The following ARHGAP24 variants were observed in gnomAD, a reference collection of about 807,000 sequenced individuals.
The protein encoded by ARHGAP24 is Rho GTPase activating protein 24.
A neutral mutation model predicts 76.4 loss-of-function variants in ARHGAP24; 50 were observed. The ratio of observed to expected loss-of-function variants is 0.65; its 90% CI spans 0.52 to 0.83. The LOEUF is 0.83. Among genes scored for constraint, ARHGAP24 ranks in the 40% least tolerant of loss-of-function variants. ARHGAP24 has a pLI of 0.00. For synonymous variants in ARHGAP24, 345 were observed against 323.3 expected, an observed-to-expected ratio of 1.07 and a Z score of -0.72; for missense variants, 930 against 914.2, an observed-to-expected ratio of 1.02 and a Z score of -0.22.
intron 3 of ARHGAP24, among the ~76,000 whole-genome samples, chr4:85,727,541 A>G (rs1725216272): frequency 6.6e-6 from 1 of 152,180 alleles, no homozygotes; most frequent in Non-Finnish European, 1.5e-5. Context: ...GAATAAAGGT[A>G]ACAAAGGTGG....
At position 85,935,639 on chromosome 4, in the gene ARHGAP24, C is replaced by T. The variant is rs555774524; in HGVS notation, c.392-6427C>T. On this transcript the variant is annotated intron_variant, in intron 4 of 9. Coordinates refer to ENST00000395184, the MANE Select transcript of ARHGAP24 (RefSeq NM_001025616.3). The stretch of plus-strand genomic sequence containing the variant: ...ATCTGCCACTTTCTAGATGTGTGAC[C>T]TCAGACAGGTCACCTGCCATCTTCA... Among the ~76,000 whole-genome samples the T allele has an allele frequency of 3.9e-5, 6 of 152,266 alleles. No homozygotes were observed. In the South Asian group the frequency reaches 1.2e-3, roughly 32 times the overall value.
intron 3 of ARHGAP24, among the ~76,000 whole-genome samples, chr4:85,768,384 T>C (rs1727006679): frequency 6.6e-6 from 1 of 152,120 alleles, no homozygotes; most frequent in Admixed American, 6.5e-5. Context: ...AAAAGAATGC[T>C]TCTGAGTTGA....
At chr4:85,972,585 A>G (rs1255409564) in intron 6 of ARHGAP24, among the ~76,000 whole-genome samples, 1 of 152,242 alleles carries the variant, frequency 6.6e-6, no homozygotes, top group Non-Finnish European at 1.5e-5. Context: ...TAATTTTTAT[A>G]CAATACAATC....
intron 5 of ARHGAP24, among the ~76,000 whole-genome samples, chr4:85,971,051 T>C (rs926110056): frequency 6.6e-6 from 1 of 152,138 alleles, no homozygotes; most frequent in Non-Finnish European, 1.5e-5. Flanking sequence ...GGACGTTAAG[T>C]TTTCATTGTT....
chr4:85,624,536 T>C (rs1388576000), intron 2 of ARHGAP24, among the ~76,000 whole-genome samples: 1 of 152,172 alleles, frequency 6.6e-6, no homozygotes, highest in East Asian at 1.9e-4. Flanking sequence ...AGGATATTGG[T>C]CTAAAATTCT....
chr4:85,487,202 T>C (rs1723095045), intron 1 of ARHGAP24, among the ~76,000 whole-genome samples: 1 of 136,294 alleles, frequency 7.3e-6, no homozygotes, highest in South Asian at 2.1e-4. Context: ...AATATATATT[T>C]ATTTTATATA....
chr4:85,783,710 AC>A (rs1560631002), intron 3 of ARHGAP24, among the ~76,000 whole-genome samples: 17 of 151,692 alleles, frequency 1.1e-4, no homozygotes, highest in South Asian at 2.1e-4. Context: ...GAAAACAGTC[AC>A]GATTCCATGC....
At chr4:85,883,036 T>C (rs906421785) in intron 3 of ARHGAP24, among the ~76,000 whole-genome samples, 3 of 152,034 alleles carry the variant, frequency 2.0e-5, no homozygotes, top group African/African-American at 7.2e-5. Context: ...CCCTATCCTG[T>C]GTTTCAGTGG....
intron 8 of ARHGAP24, among the ~76,000 whole-genome samples, chr4:85,993,109 T>C (rs1469898617): frequency 6.6e-6 from 1 of 152,158 alleles, no homozygotes; most frequent in African/African-American, 2.4e-5. Flanking sequence ...ATTTGGAAGA[T>C]ATAAGGGAAA....
intron 3 of ARHGAP24, among the ~76,000 whole-genome samples, chr4:85,909,412 C>T (rs1211065057): frequency 6.6e-6 from 1 of 152,014 alleles, no homozygotes; most frequent in Non-Finnish European, 1.5e-5. Context: ...GGCTTTCTTA[C>T]ATTATATTTA....
At chr4:85,712,635 G>A (rs1045318035) in intron 2 of ARHGAP24, among the ~76,000 whole-genome samples, 1 of 152,056 alleles carries the variant, frequency 6.6e-6, no homozygotes, top group Non-Finnish European at 1.5e-5. Context: ...GCTTGTGGCT[G>A]TGTCACACCC....
In ARHGAP24 at chr4:86,002,261, T is replaced by G. The variant is rs1658657897; in HGVS notation, c.*1539T>G. The stretch of plus-strand genomic sequence containing the variant: ...TCTGTACTGCTTTCATCCTTGCCAC[T>G]GTCTTGCTTTTATTTTTTACTCTCC... On this transcript the variant is annotated 3_prime_UTR_variant, in exon 10 of 10. Transcript: ENST00000395184. The G allele has an allele frequency of 6.6e-6, 1 of 152,258 alleles. No individual in the cohort carries two copies. The highest frequency in any genetic ancestry group is 2.1e-4 in the South Asian group (1 of 4,830). The allele number at this position is 152,258 out of a possible 1,614,324, so 9.4% of individuals were successfully genotyped here.
intron 1 of ARHGAP24, among the ~76,000 whole-genome samples, chr4:85,544,181 T>C (rs905336423): frequency 2.6e-5 from 4 of 152,320 alleles, no homozygotes; most frequent in African/African-American, 9.6e-5. Flanking sequence ...AATATGCAAA[T>C]TTTTGTAAAT....
intron 1 of ARHGAP24, among the ~76,000 whole-genome samples, chr4:85,510,881 T>G (rs910033646): frequency 6.8e-6 from 1 of 146,014 alleles, no homozygotes; most frequent in Non-Finnish European, 1.5e-5. Flanking sequence ...ATTACTTTCT[T>G]TGGAAAGGAG....
chr4:85,577,502 A>T (rs1676701226), intron 2 of ARHGAP24, among the ~76,000 whole-genome samples: 1 of 152,160 alleles, frequency 6.6e-6, no homozygotes, highest in South Asian at 2.1e-4. Flanking sequence ...GTTAGATAGT[A>T]CTGAGTCACA....
chr4:85,914,260 C>G (rs1735244610), intron 3 of ARHGAP24, among the ~76,000 whole-genome samples: 1 of 152,214 alleles, frequency 6.6e-6, no homozygotes, highest in Non-Finnish European at 1.5e-5. Flanking sequence ...GGTTGAAATA[C>G]ATGAATTCTA....
At chr4:85,660,368 A>G (rs1284650690) in intron 2 of ARHGAP24, among the ~76,000 whole-genome samples, 1 of 152,206 alleles carries the variant, frequency 6.6e-6, no homozygotes, top group African/African-American at 2.4e-5. Flanking sequence ...GTAGCTTTAA[A>G]ATGTATCCTC....
At position 85,906,214 on chromosome 4, in the gene ARHGAP24, A is replaced by G. The variant is rs904463828; in HGVS notation, c.269-17434A>G. Among the ~76,000 whole-genome samples the G allele has an allele frequency of 6.6e-5, 10 of 152,224 alleles. 1 individual carries two copies. Among genetic ancestry groups the G allele is most frequent in the Admixed American group, 6.5e-4 (10 of 15,280 alleles). On this transcript the variant is annotated intron_variant, in intron 3 of 9. Transcript: ENST00000395184. ...AGTACACATTATAGATTTTTCCAGC[A>G]TAATTAAACCCACCACTCACATTAG...
At chr4:85,757,213 CTT>C (rs567221846) in intron 3 of ARHGAP24, among the ~76,000 whole-genome samples, 2 of 130,718 alleles carry the variant, frequency 1.5e-5, no homozygotes, top group African/African-American at 5.5e-5. Flanking sequence ...GCAACCAATT[CTT>C]TTTTTTTTTT....
Sources: allele counts gnomAD v4.1 joint callset (sites outside exome capture counted in the v4.1 genomes callset), GRCh38; gene constraint gnomAD v4.1.1; transcripts MANE v1.5; gene names NCBI Gene and HGNC (gene_info 2026-07-23, HGNC 2026-07-21).